Variants in ASPG observed in about 807,000 individuals in gnomAD.
ASPG encodes 60 kDa lysophospholipase.
In ASPG, 53 loss-of-function variants were observed where a neutral mutation model predicts 63.2. The ratio of observed to expected loss-of-function variants is 0.84; its 90% CI spans 0.67 to 1.05. ASPG has a LOEUF of 1.05. ASPG is among the 50% of genes least tolerant of loss of function. The pLI is 0.00. For synonymous variants in ASPG, 370 were observed against 355.0 expected (o/e 1.04, Z -0.48); for missense variants, 741 against 794.4 (o/e 0.93, Z 0.81).
chr14:104,097,615 C>A lies in ASPG; in HGVS notation c.491C>A (p.Ala164Asp). 6.4e-7 allele frequency: 1 copy of A among 1,564,686 alleles called. No homozygotes were observed. Among genetic ancestry groups the A allele is most frequent in the South Asian group, 1.2e-5 (1 of 84,778 alleles). ...AACCTGCTGGGGGCACTGCTCATGGCTGGCCAGTATGTGATCCCAGAGGTA... is the reference window on the plus strand; with the variant it reads ...AACCTGCTGGGGGCACTGCTCATGGATGGCCAGTATGTGATCCCAGAGGTA... ...RENLLGALLM[A>D]GQYVIPEVCL... The change falls in exon 5 of 16, where the codon GCT (alanine) becomes GAT (aspartate). Residue 164 changes from alanine (A) to aspartate (D), a missense_variant. Ala to Asp is a moderately radical substitution (Grantham distance 126, BLOSUM62 -2). Transcript: ENST00000551177.
intron 6 of ASPG, among the ~76,000 whole-genome samples, chr14:104,100,824 C>T (rs1031787716): frequency 3.9e-5 from 6 of 152,200 alleles, no homozygotes; most frequent in African/African-American, 1.2e-4. Flanking sequence ...GGCACTCGGC[C>T]CCTCCAGCCC....
rs1246386561 is a variant in ASPG, at chr14:104,110,246, C to T, written c.1520+931C>T. The T allele has an allele frequency of 1.3e-5, 11 of 850,920 alleles. No homozygotes were observed. The highest frequency in any genetic ancestry group is 1.2e-4 in the East Asian group (1 of 8,094). The allele number at this position is 850,920 out of a possible 1,614,324, so 52.7% of individuals were successfully genotyped here. On this transcript the variant is annotated intron_variant, in intron 13 of 15. Transcript: ENST00000551177. The surrounding 1 kb of genome is among the most constrained non-coding windows in gnomAD (Gnocchi z 4.7). ...CCCAGGCTTGGGGAGTGGGTGATGGCGGGGGCTCGGCTCACTGGCTGGGAG... is the reference window on the plus strand; with the variant it reads ...CCCAGGCTTGGGGAGTGGGTGATGGTGGGGGCTCGGCTCACTGGCTGGGAG...
chr14:104,112,013 C>A lies in ASPG; in HGVS notation c.1701+13C>A, dbSNP rs1267771053. Reference sequence around the variant, plus strand: ...GGCCCCATGCCCAGTAAGTCCCCACCCCAGGCGGGGCTGACACCCCCCAGT... The same window carrying A: ...GGCCCCATGCCCAGTAAGTCCCCACACCAGGCGGGGCTGACACCCCCCAGT... On this transcript the variant is annotated intron_variant, in intron 15 of 15. Transcript: ENST00000551177. 1.3e-6 allele frequency: 2 copies of A among 1,550,436 alleles called. No homozygotes were observed. The highest frequency in any genetic ancestry group is 2.7e-5 in the African/African-American group (2 of 73,144).
chr14:104,090,339 C>T (rs143958533), intron 1 of ASPG, among the ~76,000 whole-genome samples: 1 of 152,350 alleles, frequency 6.6e-6, no homozygotes, highest in Non-Finnish European at 1.5e-5. Context: ...TCCCACAAAA[C>T]CAAACCAGAT....
intron 13 of ASPG, 198 bp from the exon 14 acceptor site, chr14:104,111,303 TC>T: frequency 1.4e-6 from 1 of 739,540 alleles, no homozygotes; most frequent in Non-Finnish European, 1.7e-6. Flanking sequence ...TGAGTCGCAG[TC>T]CCACCCACTG....
Position 104,103,459 on chromosome 14 carries a change from G to C in ASPG, c.641-104G>C, listed in dbSNP as rs923203915. ...CTGAGCCGCGAAGGCTCAGGGCTCT[G>C]AAAACAAGGGAGGAGGCGGCCTGTG... On this transcript the variant is annotated intron_variant, in intron 6 of 15. Transcript: ENST00000551177. The C allele has an allele frequency of 4.9e-6, 5 of 1,020,032 alleles. No homozygotes were observed. The Admixed American group carries it at 1.2e-4, about 25-fold the overall frequency. The allele number at this position is 1,020,032 out of a possible 1,614,324, so 63.2% of individuals were successfully genotyped here. A position where few individuals can be genotyped will look rare whatever the true frequency, so the allele number is the denominator to read the frequency against.
At position 104,088,091 on chromosome 14, in the gene ASPG, C is replaced by G. The variant is rs8016854; in HGVS notation, c.82+2239C>G. 1.1e-3 allele frequency among the ~76,000 whole-genome samples: 171 copies of G among 152,320 alleles called. 2 individuals are homozygous for G. The highest frequency in any genetic ancestry group is 3.9e-3 in the African/African-American group (162 of 41,570). On this transcript the variant is annotated intron_variant, in intron 1 of 15. Transcript: ENST00000551177. ...TTCCAGGAACCTGCAGGAATGGGCT[C>G]CCCCAACCCCTCGTGAGGTTGGAGC...
At chr14:104,098,124 TCTCCGTTAGAG>T (rs1307818712) in intron 5 of ASPG, among the ~76,000 whole-genome samples, 9 of 146,280 alleles carry the variant, frequency 6.2e-5, no homozygotes, top group South Asian at 2.2e-4. Flanking sequence ...GTATGGAGGT[TCTCCGTTAGAG>T]ATACGTATGG....
Position 104,103,571 on chromosome 14 carries a change from G to T in ASPG, c.649G>T (p.Glu217Ter), listed in dbSNP as rs1555383936. The T allele has an allele frequency of 6.5e-7, 1 of 1,548,062 alleles. No homozygotes were observed. The highest frequency in any genetic ancestry group is 2.4e-5 in the East Asian group (1 of 40,916). The change falls in exon 7 of 16, where the codon GAG (glutamate) becomes TAG (stop). Residue 217 changes from glutamate (E) to a stop codon, truncating the protein, a stop_gained. Transcript: ENST00000551177. LOFTEE classifies it high-confidence loss of function. ...TVGADITINR[E>*]LVRKVDGKAG... ...CCCTTCCCTGTCCTCAGTCAACAGG[G>T]AGCTGGTGCGGAAGGTGGACGGGAA...
At chr14:104,106,013 C>A (rs2037111410) in intron 10 of ASPG, among the ~76,000 whole-genome samples, 2 of 152,248 alleles carry the variant, frequency 1.3e-5, no homozygotes, top group African/African-American at 4.8e-5. Flanking sequence ...AGCCTTGCTC[C>A]CCACTGTGTG....
In ASPG at chr14:104,091,839, T is replaced by C. The variant is rs1264358596; in HGVS notation, c.83-794T>C. Among the ~76,000 whole-genome samples the C allele has an allele frequency of 6.6e-6, 1 of 151,128 alleles. No individual in the cohort carries two copies. Among genetic ancestry groups the C allele is most frequent in the Non-Finnish European group, 1.5e-5 (1 of 67,804 alleles). On this transcript the variant is annotated intron_variant, in intron 1 of 15. Transcript: ENST00000551177. The surrounding 1 kb of genome is among the most constrained non-coding windows in gnomAD (Gnocchi z 6.4). The stretch of plus-strand genomic sequence containing the variant: ...GGAAGGGAGGGCCGGGAGGGAGCTT[T>C]GGGACTTGCTGGAGGCCCTGGAGGG...
chr14:104,106,947 C>G, intron 11 of ASPG, 53 bp downstream of exon 11: 1 of 1,502,654 alleles, frequency 6.7e-7, no homozygotes, highest in Non-Finnish European at 9.0e-7. Flanking sequence ...GGCCTGGGGG[C>G]TCTGAACCCT....
At chr14:104,101,730 C>T (rs1294456372) in intron 6 of ASPG, among the ~76,000 whole-genome samples, 2 of 152,186 alleles carry the variant, frequency 1.3e-5, no homozygotes, top group African/African-American at 4.8e-5. Flanking sequence ...AGCCCCAGAG[C>T]CCTCCTCTGT....
In ASPG at chr14:104,109,251, C is replaced by T. The variant is rs755810626; in HGVS notation, c.1456C>T (p.Leu486=). The T allele has an allele frequency of 6.2e-7, 1 of 1,613,306 alleles. No homozygotes were observed. The highest frequency in any genetic ancestry group is 2.2e-5 in the East Asian group (1 of 44,856). The change falls in exon 13 of 16, where the codon CTG becomes TTG. Residue 486 remains leucine, a synonymous_variant. Transcript: ENST00000551177. The surrounding 1 kb of genome is among the most constrained non-coding windows in gnomAD (Gnocchi z 4.8). ...CAGGCATCCGGGTGTCATTGGGTTG[C>T]TGCGGGAAGCCGGGGCCTCCCTGTC... ...RGRHPGVIGL[L]REAGASLSTQ...
chr14:104,104,379 C>A lies in ASPG; in HGVS notation c.829C>A (p.Pro277Thr). The part of the protein sequence containing the change: ...TFGSGNGPTK[P>T]DLLQELRVAT... ...CGGTTCAGGGAACGGACCCACCAAG[C>A]CCGACCTGCTGCAGGAGCTGCGGGT... The change falls in exon 8 of 16, where the codon CCC (proline) becomes ACC (threonine). Residue 277 changes from proline (P) to threonine (T), a missense_variant. Coordinates refer to ENST00000551177, the MANE Select transcript of ASPG (RefSeq NM_001080464.3). 1 of 1,612,658 alleles carries A rather than the reference C, an allele frequency of 6.2e-7. No homozygotes were observed. Among genetic ancestry groups the A allele is most frequent in the Non-Finnish European group, 8.5e-7 (1 of 1,179,818 alleles).
chr14:104,112,457 G>A (rs947682042), intron 15 of ASPG, 67 bp from the exon 16 acceptor site: 4 of 930,586 alleles, frequency 4.3e-6, no homozygotes. Flanking sequence ...GGGTGCCTGG[G>A]CTTGTCTCTC....
In ASPG at chr14:104,095,539, C is replaced by A; in HGVS notation, c.312C>A (p.Tyr104Ter). Residue 104 changes from tyrosine to a stop codon, truncating the protein, a stop_gained, in exon 4 of 16, where the codon TAC becomes TAA. Transcript: ENST00000551177. LOFTEE classifies it high-confidence loss of function. ...VCLAQTIKRHYEQYHGFVVIH... is the reference protein window; with the variant it reads ...VCLAQTIKRH ...ATGCGCCCCTCCTGCAGAGGCACTA[C>A]GAGCAGTACCACGGCTTTGTGGTCA... 1 of 1,613,000 alleles carries A rather than the reference C, an allele frequency of 6.2e-7. No individual in the cohort carries two copies. The highest frequency in any genetic ancestry group is 8.5e-7 in the Non-Finnish European group (1 of 1,179,802).
chr14:104,101,358 T>C (rs2036867639), intron 6 of ASPG, among the ~76,000 whole-genome samples: 1 of 152,116 alleles, frequency 6.6e-6, no homozygotes, highest in African/African-American at 2.4e-5. Context: ...CAGCACCCTG[T>C]CGAGGGCTTG....
intron 1 of ASPG, among the ~76,000 whole-genome samples, chr14:104,087,337 G>A (rs2036248582): frequency 6.6e-6 from 1 of 152,244 alleles, no homozygotes; most frequent in Non-Finnish European, 1.5e-5. Context: ...TCACAAGCTA[G>A]AGAGAGAGGC....
Sources: allele counts gnomAD v4.1 joint callset (sites outside exome capture counted in the v4.1 genomes callset), GRCh38; gene constraint gnomAD v4.1.1; non-coding constraint Gnocchi (gnomAD v3.1); transcripts MANE v1.5; gene names NCBI Gene and HGNC (gene_info 2026-07-23, HGNC 2026-07-21).